Variants in SPINK5 observed in about 807,000 individuals in gnomAD.
The protein encoded by SPINK5 is serine protease inhibitor Kazal-type 5.
Under a neutral mutation model 151.8 loss-of-function variants are expected in SPINK5, and 125 were observed. The ratio of observed to expected loss-of-function variants is 0.82; its 90% CI spans 0.71 to 0.96. SPINK5 has a LOEUF of 0.96. SPINK5 is among the 40% of genes least tolerant of loss of function. SPINK5 has a pLI of 0.00. For missense variants in SPINK5, 1,194 were observed against 1,291.9 expected (o/e 0.92, Z 1.16); for synonymous variants, 374 against 395.3 (o/e 0.95, Z 0.64).
Position 148,070,332 on chromosome 5 carries a change from C to T in SPINK5, c.91C>T (p.His31Tyr). 1 of 1,612,156 alleles carries T rather than the reference C, an allele frequency of 6.2e-7. No individual in the cohort carries two copies. Among genetic ancestry groups the T allele is most frequent in the Non-Finnish European group, 8.5e-7 (1 of 1,178,974 alleles). The change falls in exon 3 of 33, where the codon CAT (histidine) becomes TAT (tyrosine). Residue 31 changes from histidine to tyrosine, a missense_variant. Physicochemically the swap from His to Tyr is moderately conservative, Grantham distance 83. Transcript: ENST00000256084. The part of the protein sequence containing the change: ...ASKNEDQEMC[H>Y]EFQAFMKNGK... ...TTTGGCATTATCTTAGGAAATGTGC[C>T]ATGAATTTCAGGCATTTATGAAAAA...
chr5:148,097,946 C>T lies in SPINK5; in HGVS notation c.962C>T (p.Pro321Leu), dbSNP rs1343893946. ...CTRENDPIRG[P>L]DGKMHGNLCS... ...AGAGAAAATGACCCTATTCGTGGTCCAGATGGGAAAATGCATGGCAACTTG... is the reference window on the plus strand; with the variant it reads ...AGAGAAAATGACCCTATTCGTGGTCTAGATGGGAAAATGCATGGCAACTTG... Residue 321 changes from proline to leucine, a missense_variant, in exon 11 of 33, where the codon CCA becomes CTA. By Grantham distance (98) the Pro-to-Leu change is moderately conservative. Transcript: ENST00000256084. 2.5e-6 allele frequency: 4 copies of T among 1,612,258 alleles called. No individual in the cohort carries two copies. In the East Asian group the frequency reaches 6.7e-5, roughly 27 times the overall value.
chr5:148,115,823 C>CTT (rs567120637), intron 21 of SPINK5, among the ~76,000 whole-genome samples: 10 of 139,782 alleles, frequency 7.2e-5, no homozygotes, highest in Admixed American at 2.9e-4. Context: ...CTCACCTTGT[C>CTT]TTTTTTTTTT....
intron 26 of SPINK5, among the ~76,000 whole-genome samples, chr5:148,122,739 T>C (rs1453251336): frequency 6.6e-6 from 1 of 152,182 alleles, no homozygotes; most frequent in Non-Finnish European, 1.5e-5. Context: ...ACACTGACTT[T>C]ATTTAATAGC....
intron 2 of SPINK5, among the ~76,000 whole-genome samples, chr5:148,069,293 C>T (rs941161049): frequency 1.3e-5 from 2 of 151,566 alleles, no homozygotes; most frequent in African/African-American, 2.4e-5. Flanking sequence ...CAAAGAATTA[C>T]CACTTTTGAA....
At chr5:148,091,013 C>T (rs1581069610) in intron 7 of SPINK5, 152 bp from the exon 8 acceptor site, 1 of 655,966 alleles carries the variant, frequency 1.5e-6, no homozygotes, top group East Asian at 2.8e-5. Flanking sequence ...ATTTCTCTGG[C>T]TCAGGCATTG....
chr5:148,081,527 A>G (rs947708481), intron 4 of SPINK5, among the ~76,000 whole-genome samples: 1 of 151,690 alleles, frequency 6.6e-6, no homozygotes, highest in Non-Finnish European at 1.5e-5. Flanking sequence ...ACAATTACAT[A>G]TTTATAATTC....
intron 31 of SPINK5, 99 bp downstream of exon 31, chr5:148,131,488 G>A (rs1416990329): frequency 2.0e-6 from 3 of 1,528,760 alleles, no homozygotes; most frequent in Non-Finnish European, 1.8e-6. Flanking sequence ...GAAATGTGTT[G>A]CAAGTAATTT....
At position 148,119,012 on chromosome 5, in the gene SPINK5, A is replaced by T. The variant is rs752005401; in HGVS notation, c.2267A>T (p.Glu756Val). ...GAAAGAGAAGCAGAGAGAAAAAATG[A>T]GTATTCTCGCTCCAGATCAAATGGG... ...KLEREAERKN[E>V]YSRSRSNGTG... Residue 756 changes from glutamate (E) to valine (V), a missense_variant, in exon 24 of 33, where the codon GAG (glutamate) becomes GTG (valine). Physicochemically the swap from Glu to Val is moderately radical, Grantham distance 121. Coordinates refer to ENST00000256084, the MANE Select transcript of SPINK5 (RefSeq NM_006846.4). The T allele has an allele frequency of 6.2e-7, 1 of 1,614,068 alleles. No homozygotes were observed. Among genetic ancestry groups the T allele is most frequent in the Non-Finnish European group, 8.5e-7 (1 of 1,179,950 alleles).
intron 29 of SPINK5, 23 bp downstream of exon 29, chr5:148,125,873 C>T: frequency 6.2e-7 from 1 of 1,614,090 alleles, no homozygotes; most frequent in Non-Finnish European, 8.5e-7. Flanking sequence ...ATTCTGCTCC[C>T]CCTGTAGCTA....
intron 19 of SPINK5, 43 bp from the exon 20 acceptor site, chr5:148,112,825 T>C (rs543036325): frequency 6.2e-7 from 1 of 1,612,768 alleles, no homozygotes; most frequent in East Asian, 2.2e-5. Flanking sequence ...GTAGTATGTA[T>C]TGGGTGCTAG....
At chr5:148,073,086 G>A (rs1433001535) in intron 4 of SPINK5, among the ~76,000 whole-genome samples, 2 of 151,724 alleles carry the variant, frequency 1.3e-5, no homozygotes, top group Non-Finnish European at 2.9e-5. Context: ...CTCACAAATG[G>A]GTTACTGACA....
At position 148,107,079 on chromosome 5, in the gene SPINK5, C is replaced by T; in HGVS notation, c.1522C>T (p.Leu508Phe). The T allele has an allele frequency of 3.1e-6, 5 of 1,613,230 alleles. No individual in the cohort carries two copies. The highest frequency in any genetic ancestry group is 1.3e-5 in the African/African-American group (1 of 74,988). Residue 508 changes from leucine to phenylalanine, a missense_variant, in exon 17 of 33, where the codon CTT (leucine) becomes TTT (phenylalanine). Coordinates refer to ENST00000256084, the MANE Select transcript of SPINK5 (RefSeq NM_006846.4). Reference protein sequence around the residue: ...EFRDQVRNGTLICTREHNPVR... With the variant: ...EFRDQVRNGTFICTREHNPVR... Reference sequence around the variant, plus strand: ...TCGGGACCAAGTGAGGAATGGAACACTTATATGCACCAGGGAGCATAATCC... The same window carrying T: ...TCGGGACCAAGTGAGGAATGGAACATTTATATGCACCAGGGAGCATAATCC...
intron 6 of SPINK5, chr5:148,089,289 C>G (rs1025018888): frequency 3.0e-6 from 2 of 673,204 alleles, no homozygotes; most frequent in Non-Finnish European, 5.3e-6. Context: ...TATCTGTTTA[C>G]TAAATAAATG....
chr5:148,119,418 G>A (rs190292519), intron 24 of SPINK5, among the ~76,000 whole-genome samples: 1 of 152,286 alleles, frequency 6.6e-6, no homozygotes, highest in Admixed American at 6.5e-5. Context: ...GCTAGTGTAA[G>A]TTACTATAAG....
chr5:148,086,979 T>C (rs1244675196), intron 5 of SPINK5, among the ~76,000 whole-genome samples: 1 of 150,484 alleles, frequency 6.6e-6, no homozygotes, highest in African/African-American at 2.4e-5. Flanking sequence ...TTTACACACA[T>C]ACATACATAT....
intron 16 of SPINK5, among the ~76,000 whole-genome samples, chr5:148,105,872 C>T (rs915528232): frequency 1.3e-5 from 2 of 151,654 alleles, no homozygotes; most frequent in African/African-American, 4.8e-5. Context: ...GATTCACTCA[C>T]CTTGGCCTCC....
intron 4 of SPINK5, among the ~76,000 whole-genome samples, chr5:148,078,156 TG>T (rs1445081469): frequency 6.6e-6 from 1 of 151,148 alleles, no homozygotes; most frequent in Admixed American, 6.6e-5. Flanking sequence ...TATATTAATA[TG>T]TGATAAAATA....
At position 148,089,450 on chromosome 5, in the gene SPINK5, A is replaced by C. The variant is rs1753249060; in HGVS notation, c.475-44A>C. 1.9e-6 allele frequency: 3 copies of C among 1,610,808 alleles called. No individual in the cohort carries two copies. The African/African-American group carries it at 4.0e-5, about 22-fold the overall frequency. On this transcript the variant is annotated intron_variant, in intron 6 of 32. Transcript: ENST00000256084. Reference sequence around the variant, plus strand: ...AATTTCTGAAAACAGTGTTGTCAGCATTACAATCTTGGTAAGTTTCAAGTT... The same window carrying C: ...AATTTCTGAAAACAGTGTTGTCAGCCTTACAATCTTGGTAAGTTTCAAGTT...
intron 30 of SPINK5, among the ~76,000 whole-genome samples, chr5:148,127,413 G>C (rs182620779): frequency 1.3e-5 from 2 of 152,172 alleles, no homozygotes; most frequent in East Asian, 3.9e-4. Context: ...ATACCTCTTG[G>C]TATTCTTAGC....
Sources: gnomAD v4.1 joint callset for allele counts (sites outside exome capture counted in the v4.1 genomes callset) on GRCh38, gnomAD v4.1.1 for gene constraint, MANE v1.5 for transcripts, NCBI Gene and HGNC (gene_info 2026-07-23, HGNC 2026-07-21) for gene names.